CEP162: variants seen among roughly 807,000 people sequenced by gnomAD.
The protein encoded by CEP162 is centrosomal protein 162, also known as centrosomal protein of 162 kDa.
CEP162 carries 141 observed loss-of-function variants against 169.2 expected under a neutral mutation model. The observed-to-expected ratio is 0.83, with a 90% CI of 0.73 to 0.96. The LOEUF (loss-of-function observed/expected upper bound fraction) is 0.96. CEP162 is among the 40% of genes least tolerant of loss of function. The pLI, the probability that CEP162 is intolerant of heterozygous loss-of-function variation, is 0.00. For missense variants in CEP162, 1,600 were observed against 1,587.2 expected (o/e 1.01, Z -0.14); for synonymous variants, 540 against 526.4 (o/e 1.03, Z -0.35).
chr6:84,164,972 T>C (rs541835108), intron 18 of CEP162, among the ~76,000 whole-genome samples: 8 of 152,186 alleles, frequency 5.3e-5, no homozygotes, highest in African/African-American at 1.7e-4. Flanking sequence ...GCTTTACCCA[T>C]GACTGATCAC....
chr6:84,198,995 G>T (rs567673483), intron 9 of CEP162, among the ~76,000 whole-genome samples: 1 of 152,164 alleles, frequency 6.6e-6, no homozygotes, highest in East Asian at 1.9e-4. Context: ...AATAATTTTT[G>T]CTTTCTTTTT....
intron 3 of CEP162, among the ~76,000 whole-genome samples, chr6:84,220,089 A>G (rs1412389046): frequency 6.6e-6 from 1 of 152,188 alleles, no homozygotes; most frequent in East Asian, 1.9e-4. Flanking sequence ...CTATGGCTAC[A>G]GTACACGAGA....
chr6:84,190,592 G>A (rs2099539456), intron 11 of CEP162, among the ~76,000 whole-genome samples: 1 of 151,588 alleles, frequency 6.6e-6, no homozygotes, highest in South Asian at 2.1e-4. Context: ...AACTCCAGAC[G>A]CGCTGCCTTA....
chr6:84,153,953 T>C (rs1469939659), intron 22 of CEP162, among the ~76,000 whole-genome samples: 1 of 152,022 alleles, frequency 6.6e-6, no homozygotes, highest in Non-Finnish European at 1.5e-5. Flanking sequence ...TGACAGAAGG[T>C]GGGAAGACTG....
chr6:84,205,726 C>G (rs550336229), intron 6 of CEP162, among the ~76,000 whole-genome samples: 8 of 151,980 alleles, frequency 5.3e-5, no homozygotes, highest in South Asian at 2.1e-4. Context: ...CCAGGGCAAT[C>G]AGGCAGGAGA....
At chr6:84,142,592 T>A (rs193282240) in intron 25 of CEP162, among the ~76,000 whole-genome samples, 6 of 152,302 alleles carry the variant, frequency 3.9e-5, no homozygotes, top group Non-Finnish European at 8.8e-5. Context: ...GTGTCTCAGG[T>A]AAATCTGGGA....
At chr6:84,172,008 G>A (rs2099530329) in intron 16 of CEP162, among the ~76,000 whole-genome samples, 1 of 152,198 alleles carries the variant, frequency 6.6e-6, no homozygotes, top group Non-Finnish European at 1.5e-5. Flanking sequence ...CAGGAGGTAA[G>A]TGGGAGAGTG....
In CEP162 at chr6:84,198,608, T is replaced by A. The variant is rs144666134; in HGVS notation, c.835+2181A>T. 6.2e-3 allele frequency among the ~76,000 whole-genome samples: 936 copies of A among 152,168 alleles called. 10 individuals carry two copies. Among genetic ancestry groups the A allele is most frequent in the African/African-American group, 0.022 (898 of 41,516 alleles). Reference sequence around the variant, plus strand: ...GACTTTAAAGTATATATTTTAAATATCAGAAATTCAATACCTCAAAGCCAA... The same window carrying A: ...GACTTTAAAGTATATATTTTAAATAACAGAAATTCAATACCTCAAAGCCAA... On this transcript the variant is annotated intron_variant, in intron 9 of 26. Transcript: ENST00000403245.
intron 19 of CEP162, among the ~76,000 whole-genome samples, chr6:84,162,358 CTAT>C (rs2129209988): frequency 1.3e-5 from 2 of 152,222 alleles, no homozygotes; most frequent in East Asian, 1.9e-4. Flanking sequence ...GTGGATACTA[CTAT>C]TATTGTTGTT....
In CEP162 at chr6:84,174,824, T is replaced by TGTTGTTTC. The variant is rs200604601; in HGVS notation, c.1927_1928insGAAACAAC (p.Lys643ArgfsTer8). The TGTTGTTTC allele has an allele frequency of 7.5e-6, 12 of 1,601,648 alleles. No individual in the cohort carries two copies. The highest frequency in any genetic ancestry group is 1.1e-5 in the South Asian group (1 of 89,662). On this transcript the variant is annotated frameshift_variant, in exon 15 of 27. Transcript: ENST00000403245. LOFTEE classifies it high-confidence loss of function. Reference sequence around the variant, plus strand: ...CAACTTATTTTCTAGTTCTTTCTCCTTTTCTGAGAATGTGGCTTTAATTTG... The same window carrying TGTTGTTTC: ...CAACTTATTTTCTAGTTCTTTCTCCTGTTGTTTCTTTCTGAGAATGTGGCTTTAATTTG...
rs184899071 is a variant in CEP162, at chr6:84,215,141, T to C, written c.503+141A>G. ...TCACACATAAGAAAAACCCTAACTATAAAATGAACAGATAATAGATTTAAA... is the reference window on the plus strand; with the variant it reads ...TCACACATAAGAAAAACCCTAACTACAAAATGAACAGATAATAGATTTAAA... On this transcript the variant is annotated intron_variant, in intron 5 of 26. Coordinates refer to ENST00000403245, the MANE Select transcript of CEP162 (RefSeq NM_014895.4). 155 of 474,688 alleles carry C rather than the reference T, an allele frequency of 3.3e-4. 2 individuals are homozygous for C. The Middle Eastern group carries it at 4.6e-3, about 14-fold the overall frequency. The allele number at this position is 474,688 out of a possible 1,614,324, so 29.4% of individuals were successfully genotyped here.
intron 25 of CEP162, among the ~76,000 whole-genome samples, chr6:84,141,783 C>T (rs920983382): frequency 6.6e-6 from 1 of 152,198 alleles, no homozygotes; most frequent in African/African-American, 2.4e-5. Context: ...ACTCCACCTA[C>T]TTTCCAGAGC....
intron 11 of CEP162, among the ~76,000 whole-genome samples, chr6:84,193,040 G>A (rs982762475): frequency 6.6e-6 from 1 of 152,210 alleles, no homozygotes; most frequent in African/African-American, 2.4e-5. Context: ...TGAGGATCAC[G>A]TGGGAGACTG....
intron 13 of CEP162, among the ~76,000 whole-genome samples, chr6:84,180,075 C>T (rs1408640784): frequency 2.6e-5 from 4 of 152,142 alleles, no homozygotes; most frequent in Non-Finnish European, 5.9e-5. Flanking sequence ...CCCTGATGAA[C>T]ATTGATGCAA....
Position 84,193,678 on chromosome 6 carries a change from A to G in CEP162, c.1040T>C (p.Val347Ala). ...TCTGATAGGTTTCATCAGCTCCTCTACTGTGGGCAGATCTAAGAGGTGGAA... is the reference window on the plus strand; with the variant it reads ...TCTGATAGGTTTCATCAGCTCCTCTGCTGTGGGCAGATCTAAGAGGTGGAA... ...ISTMESDLPTVEELMKPIRID... is the reference protein window; with the variant it reads ...ISTMESDLPTAEELMKPIRID... The change falls in exon 11 of 27, where the codon GTA becomes GCA. Residue 347 changes from valine to alanine, a missense_variant. Val to Ala is a moderately conservative substitution (Grantham distance 64, BLOSUM62 0). Transcript: ENST00000403245. 6.4e-7 allele frequency: 1 copy of G among 1,562,752 alleles called. No individual in the cohort carries two copies. Among genetic ancestry groups the G allele is most frequent in the Non-Finnish European group, 8.7e-7 (1 of 1,152,302 alleles).
At chr6:84,154,985 T>C (rs1199906213) in intron 22 of CEP162, among the ~76,000 whole-genome samples, 1 of 152,174 alleles carries the variant, frequency 6.6e-6, no homozygotes, top group Admixed American at 6.6e-5. Flanking sequence ...TAATTTCTTT[T>C]TTCCTTTTGT....
intron 26 of CEP162, among the ~76,000 whole-genome samples, chr6:84,125,853 T>C (rs969863050): frequency 6.6e-6 from 1 of 152,182 alleles, no homozygotes; most frequent in Non-Finnish European, 1.5e-5. Flanking sequence ...TATTTTGTTA[T>C]GTCAGCCCAA....
At chr6:84,190,173 C>G (rs574746173) in intron 11 of CEP162, among the ~76,000 whole-genome samples, 2 of 152,298 alleles carry the variant, frequency 1.3e-5, no homozygotes, top group East Asian at 3.9e-4. Context: ...CTGCACCAAT[C>G]GACACTCTGT....
rs1159703346 is a variant in CEP162, at chr6:84,185,253, A to C, written c.1597T>G (p.Ser533Ala). 6.2e-7 allele frequency: 1 copy of C among 1,613,438 alleles called. No individual in the cohort carries two copies. Among genetic ancestry groups the C allele is most frequent in the African/African-American group, 1.3e-5 (1 of 74,902 alleles). Residue 533 changes from serine to alanine, a missense_variant, in exon 13 of 27, where the codon TCA becomes GCA. Physicochemically the swap from Ser to Ala is moderately conservative, Grantham distance 99. Transcript: ENST00000403245. ...TTTTTGCTTTTTATAATGTCCTCTGAAGTTTTCTTTTCAAGAGTAGAAAAC... is the reference window on the plus strand; with the variant it reads ...TTTTTGCTTTTTATAATGTCCTCTGCAGTTTTCTTTTCAAGAGTAGAAAAC... Reference protein sequence around the residue: ...KMFSTLEKKTSEDIIKSKNLR... With the variant: ...KMFSTLEKKTAEDIIKSKNLR...
Sources: allele counts gnomAD v4.1 joint callset (sites outside exome capture counted in the v4.1 genomes callset), GRCh38; gene constraint gnomAD v4.1.1; transcripts MANE v1.5; gene names NCBI Gene and HGNC (gene_info 2026-07-23, HGNC 2026-07-21).